The following CREG2 variants were observed in gnomAD, a reference collection of about 807,000 sequenced individuals.
CREG2 encodes protein CREG2.
A neutral mutation model predicts 26.2 loss-of-function variants in CREG2; 24 were observed. The observed-to-expected ratio is 0.92, with a 90% CI of 0.66 to 1.29. The LOEUF (loss-of-function observed/expected upper bound fraction) is 1.29. Ranked by LOEUF, CREG2 falls within the 50% of genes most tolerant of loss-of-function variation. The pLI is 0.00. For missense variants in CREG2, 366 were observed against 398.6 expected, an observed-to-expected ratio of 0.92 and a Z score of 0.70; for synonymous variants, 174 against 169.2, an observed-to-expected ratio of 1.03 and a Z score of -0.22.
chr2:101,384,570 T>G (rs952960458), intron 1 of CREG2, among the ~76,000 whole-genome samples: 1 of 152,146 alleles, frequency 6.6e-6, no homozygotes, highest in Non-Finnish European at 1.5e-5. Context: ...AGAGTTCCCC[T>G]GAGAGAAGGT....
rs1328744829 is a variant in CREG2 at position 101,350,852 on chromosome 2, TA to T, written c.*70del. The stretch of plus-strand genomic sequence containing the variant: ...CCTTCAACAAAGAGACAGTGGTCAA[TA>T]GCTGTCTGGCTGCATCACTGAAAAG... On this transcript the variant is annotated 3_prime_UTR_variant, in exon 4 of 4. Coordinates refer to ENST00000324768, the MANE Select transcript of CREG2 (RefSeq NM_153836.4). 1 of 1,498,412 alleles carries T rather than the reference TA, an allele frequency of 6.7e-7. No homozygotes were observed. Among genetic ancestry groups the T allele is most frequent in the African/African-American group, 1.4e-5 (1 of 73,056 alleles). The allele number at this position is 1,498,412 out of a possible 1,614,324, so 92.8% of individuals were successfully genotyped here. A position where few individuals can be genotyped will look rare whatever the true frequency, so the allele number is the denominator to read the frequency against.
intron 2 of CREG2, chr2:101,382,685 T>A: frequency 1.0e-6 from 1 of 985,438 alleles, no homozygotes; most frequent in Non-Finnish European, 1.2e-6. Flanking sequence ...TTAGCCTCTG[T>A]AAGAACTAAT....
At chr2:101,354,066 GTA>G (rs1684419045) in intron 3 of CREG2, among the ~76,000 whole-genome samples, 1 of 152,048 alleles carries the variant, frequency 6.6e-6, no homozygotes. Context: ...CATGGCACAT[GTA>G]TACCTATGTA....
intron 2 of CREG2, 110 bp downstream of exon 2, chr2:101,383,423 G>T (rs1159129376): frequency 3.2e-6 from 3 of 943,812 alleles, no homozygotes; most frequent in Non-Finnish European, 4.8e-6. Context: ...GAACATCAAT[G>T]TGCATCTCAG....
rs1453374918 is a variant in CREG2, at chr2:101,359,048, AAAAAAAAAAAAAAAAAAAAAAAAAG to A, written c.612-3707_612-3683del. 7.5e-4 allele frequency among the ~76,000 whole-genome samples: 11 copies of A among 14,736 alleles called. 4 individuals carry two copies. Among genetic ancestry groups the A allele is most frequent in the South Asian group, 6.7e-3 (1 of 150 alleles). 9.7% of individuals were successfully genotyped at this position (14,736 alleles called of 152,430 possible). A position where few individuals can be genotyped will look rare whatever the true frequency, so the allele number is the denominator to read the frequency against. ...AGACTCCGTCTCAAAAAAAAAAAAA[AAAAAAAAAAAAAAAAAAAAAAAAAG>A]AGAGAACTGAGGCAAGTTTTAGAGC... is the stretch of plus-strand genomic sequence containing the variant. On this transcript the variant is annotated intron_variant, in intron 2 of 3. Coordinates refer to ENST00000324768, the MANE Select transcript of CREG2 (RefSeq NM_153836.4).
chr2:101,364,077 G>A (rs1182296306), intron 2 of CREG2, among the ~76,000 whole-genome samples: 1 of 152,172 alleles, frequency 6.6e-6, no homozygotes, highest in Non-Finnish European at 1.5e-5. Context: ...TTGGTTGGCA[G>A]GGGTCAGGAA....
At chr2:101,386,240 T>C (rs1684964975) in intron 1 of CREG2, among the ~76,000 whole-genome samples, 1 of 152,252 alleles carries the variant, frequency 6.6e-6, no homozygotes, top group Non-Finnish European at 1.5e-5. Context: ...ACCTGGCCAA[T>C]GTCCTATGCC....
chr2:101,372,394 G>A (rs1296024677), intron 2 of CREG2, among the ~76,000 whole-genome samples: 1 of 152,170 alleles, frequency 6.6e-6, no homozygotes, highest in Non-Finnish European at 1.5e-5. Flanking sequence ...TAATTGAATT[G>A]AGTTTATCAT....
At chr2:101,372,582 C>G (rs1442537080) in intron 2 of CREG2, among the ~76,000 whole-genome samples, 1 of 152,178 alleles carries the variant, frequency 6.6e-6, no homozygotes, top group Non-Finnish European at 1.5e-5. Context: ...ATTTGCTTAT[C>G]TGATGGGAAA....
rs116727567 is a variant in CREG2 at position 101,356,723 on chromosome 2, C to T, written c.612-1357G>A. On this transcript the variant is annotated intron_variant, in intron 2 of 3. Transcript: ENST00000324768. Reference sequence around the variant, plus strand: ...TCAAATATTGCTGTCAGAACCTGCACTGGAGGGTTCCTTAATCAGCAAAAA... The same window carrying T: ...TCAAATATTGCTGTCAGAACCTGCATTGGAGGGTTCCTTAATCAGCAAAAA... 3.3e-3 allele frequency among the ~76,000 whole-genome samples: 496 copies of T among 152,176 alleles called. 4 individuals are homozygous for T. The highest frequency in any genetic ancestry group is 0.011 in the African/African-American group (477 of 41,522).
At chr2:101,385,183 A>G (rs1032474024) in intron 1 of CREG2, among the ~76,000 whole-genome samples, 1 of 152,010 alleles carries the variant, frequency 6.6e-6, no homozygotes, top group Non-Finnish European at 1.5e-5. Context: ...TTTTATTAGT[A>G]TTATTATTTT....
At chr2:101,372,135 C>A (rs1363632477) in intron 2 of CREG2, among the ~76,000 whole-genome samples, 1 of 152,074 alleles carries the variant, frequency 6.6e-6, no homozygotes, top group Non-Finnish European at 1.5e-5. Flanking sequence ...CCCTACTCAG[C>A]TCCCCTATTG....
intron 2 of CREG2, among the ~76,000 whole-genome samples, chr2:101,362,680 G>T (rs997911805): frequency 6.6e-5 from 10 of 152,200 alleles, no homozygotes; most frequent in Non-Finnish European, 1.5e-4. Context: ...GTGACCCTGG[G>T]AGCTGAAGGA....
intron 2 of CREG2, among the ~76,000 whole-genome samples, chr2:101,377,201 A>T (rs1684806496): frequency 6.6e-6 from 1 of 152,154 alleles, no homozygotes; most frequent in Non-Finnish European, 1.5e-5. Flanking sequence ...ATGAAAAGAA[A>T]TTTTTTTAAA....
chr2:101,375,627 C>T (rs771512689), intron 2 of CREG2: 18 of 196,542 alleles, frequency 9.2e-5, no homozygotes, highest in Non-Finnish European at 1.8e-4. Flanking sequence ...CCCAGGAGGC[C>T]GAGCTCTGCT....
intron 2 of CREG2, among the ~76,000 whole-genome samples, chr2:101,379,663 A>G (rs989720310): frequency 5.3e-5 from 8 of 152,230 alleles, no homozygotes; most frequent in South Asian, 2.1e-4. Flanking sequence ...GACTACAACA[A>G]GCTATCAGGT....
At chr2:101,355,213 G>A (rs367585203) in intron 3 of CREG2, 40 bp downstream of exon 3, 7 of 1,259,168 alleles carry the variant, frequency 5.6e-6, no homozygotes, top group Admixed American at 1.7e-5. Flanking sequence ...TATTAGTATT[G>A]TGTATTTCTG....
In CREG2 at chr2:101,347,210, C is replaced by G. The variant is rs182212214; in HGVS notation, c.*3713G>C. ...GGCATAGAGGCACCATCCACTGTTT[C>G]ACCAGCCACCCGTTAAAGGCCATCT... is the stretch of plus-strand genomic sequence containing the variant. On this transcript the variant is annotated 3_prime_UTR_variant, in exon 4 of 4. Coordinates refer to ENST00000324768, the MANE Select transcript of CREG2 (RefSeq NM_153836.4). 33 of 152,310 alleles carry G rather than the reference C, an allele frequency of 2.2e-4. 1 individual carries two copies. In the East Asian group the frequency reaches 6.2e-3, roughly 28 times the overall value. The allele number at this position is 152,310 out of a possible 1,614,324, so 9.4% of individuals were successfully genotyped here.
chr2:101,364,816 G>A (rs1030838026), intron 2 of CREG2, among the ~76,000 whole-genome samples: 12 of 152,166 alleles, frequency 7.9e-5, no homozygotes, highest in African/African-American at 2.7e-4. Context: ...GAGGGTCAGA[G>A]GAGGTGTAGG....
Sources: allele counts gnomAD v4.1 joint callset (sites outside exome capture counted in the v4.1 genomes callset), GRCh38; gene constraint gnomAD v4.1.1; transcripts MANE v1.5; gene names NCBI Gene and HGNC (gene_info 2026-07-23, HGNC 2026-07-21).